SLC18A1: variants seen among roughly 807,000 people sequenced by gnomAD.
SLC18A1 encodes chromaffin granule amine transporter.
Under a neutral mutation model 53.7 loss-of-function variants are expected in SLC18A1, and 69 were observed. The ratio of observed to expected loss-of-function variants is 1.28; its 90% CI spans 1.06 to 1.57. SLC18A1 has a LOEUF of 1.57. Ranked by LOEUF, SLC18A1 falls within the 40% of genes most tolerant of loss-of-function variation. The pLI is 0.00. For missense variants in SLC18A1, 932 were observed against 668.1 expected (o/e 1.40, Z -4.35); for synonymous variants, 320 against 248.1 (o/e 1.29, Z -2.72).
chr8:20,171,617 C>A, intron 6 of SLC18A1, 123 bp from the exon 7 acceptor site: 1 of 721,792 alleles, frequency 1.4e-6, no homozygotes, highest in South Asian at 1.6e-5. Flanking sequence ...CCACCTGAGG[C>A]TCTGGGAATT....
At position 20,180,898 on chromosome 8, in the gene SLC18A1, C is replaced by T. The variant is rs138976852; in HGVS notation, c.67G>A (p.Val23Met). The change falls in exon 2 of 16, where the codon GTG becomes ATG. Residue 23 changes from valine to methionine, a missense_variant. By Grantham distance (21) the Val-to-Met change is conservative. Coordinates refer to ENST00000276373, the MANE Select transcript of SLC18A1 (RefSeq NM_003053.4). ...LKEGRASRQL[V>M]LVVVFVALLL... ...AAAGCGACGAATACCACCACCAGCA[C>T]CAGCTGCCGGGACGCTCTCCCCTCC... 1.2e-6 allele frequency: 2 copies of T among 1,613,408 alleles called. No individual in the cohort carries two copies. Among genetic ancestry groups the T allele is most frequent in the Non-Finnish European group, 1.7e-6 (2 of 1,179,720 alleles).
chr8:20,154,727 C>A (rs2071639932), intron 10 of SLC18A1, among the ~76,000 whole-genome samples: 1 of 152,216 alleles, frequency 6.6e-6, no homozygotes, highest in Non-Finnish European at 1.5e-5. Flanking sequence ...ATCAAGAAAT[C>A]TCTGAGGGCA....
intron 8 of SLC18A1, among the ~76,000 whole-genome samples, chr8:20,170,240 A>G (rs993443155): frequency 1.3e-5 from 2 of 152,162 alleles, no homozygotes; most frequent in African/African-American, 4.8e-5. Context: ...CTCTAAAAGT[A>G]TTGATTATGT....
intron 12 of SLC18A1, chr8:20,148,451 A>G (rs2071462044): frequency 3.9e-6 from 5 of 1,291,354 alleles, no homozygotes; most frequent in Non-Finnish European, 5.1e-6. Context: ...TTCATGGAAT[A>G]AAGTTGCCTC....
At chr8:20,151,513 A>C (rs1193836998) in intron 10 of SLC18A1, among the ~76,000 whole-genome samples, 1 of 152,156 alleles carries the variant, frequency 6.6e-6, no homozygotes, top group African/African-American at 2.4e-5. Flanking sequence ...TCTTGGATTA[A>C]TTACTAAACC....
chr8:20,175,313 G>C (rs748108965), intron 4 of SLC18A1: 1 of 152,116 alleles, frequency 6.6e-6, no homozygotes. Flanking sequence ...TGCAGTTAAC[G>C]CAATCCTCAC....
chr8:20,178,121 A>AACACACACACACACACACAC (rs10560327), intron 4 of SLC18A1, among the ~76,000 whole-genome samples: 5 of 148,836 alleles, frequency 3.4e-5, no homozygotes, highest in South Asian at 2.2e-4. Context: ...TGATGCATAT[A>AACACACACACACACACACAC]ACACACACAC....
At chr8:20,146,151 G>A (rs17840569) in intron 15 of SLC18A1, among the ~76,000 whole-genome samples, 8,238 of 152,066 alleles carry the variant, frequency 0.054, 356 homozygotes, top group Non-Finnish European at 0.079. Context: ...TCCTGACCTC[G>A]TGATGCGCCC....
At chr8:20,174,255 G>A (rs562931978) in intron 5 of SLC18A1, 106 bp downstream of exon 5, 2 of 863,160 alleles carry the variant, frequency 2.3e-6, no homozygotes, top group East Asian at 2.5e-5. Flanking sequence ...CTATCCAGGT[G>A]ACATTTTCCT....
chr8:20,170,472 C>CT (rs1421510505), intron 8 of SLC18A1, among the ~76,000 whole-genome samples: 1 of 152,122 alleles, frequency 6.6e-6, no homozygotes, highest in Non-Finnish European at 1.5e-5. Context: ...AAGTCAAGGC[C>CT]TTTAGATCAA....
At chr8:20,155,907 C>G (rs2071670987) in intron 10 of SLC18A1, among the ~76,000 whole-genome samples, 1 of 152,208 alleles carries the variant, frequency 6.6e-6, no homozygotes, top group African/African-American at 2.4e-5. Flanking sequence ...TCCCCACCAC[C>G]CTTGCAAGGG....
rs1179809755 is a variant in SLC18A1 at position 20,166,314 on chromosome 8, TATATATATATATATATAC to T, written c.859-1225_859-1208del. 9.1e-3 allele frequency among the ~76,000 whole-genome samples: 877 copies of T among 96,828 alleles called. 31 individuals are homozygous for T. The highest frequency in any genetic ancestry group is 0.035 in the African/African-American group (823 of 23,518). 63.5% of individuals were successfully genotyped at this position (96,828 alleles called of 152,430 possible). ...CTATATATATATATATATATATATA[TATATATATATATATATAC>T]ACCACCAGGTGGAAAATAATAAGGA... On this transcript the variant is annotated intron_variant, in intron 8 of 15. Coordinates refer to ENST00000276373, the MANE Select transcript of SLC18A1 (RefSeq NM_003053.4).
intron 1 of SLC18A1, 67 bp downstream of exon 1, chr8:20,182,996 A>G (rs1414644324): frequency 6.6e-6 from 1 of 152,230 alleles, no homozygotes; most frequent in East Asian, 1.9e-4. Flanking sequence ...TTAACAGTCA[A>G]AATCCTCTGA....
At position 20,164,891 on chromosome 8, in the gene SLC18A1, C is replaced by G; in HGVS notation, c.993G>C (p.Met331Ile). 6.2e-7 allele frequency: 1 copy of G among 1,611,542 alleles called. No homozygotes were observed. Among genetic ancestry groups the G allele is most frequent in the Non-Finnish European group, 8.5e-7 (1 of 1,177,906 alleles). Residue 331 changes from methionine to isoleucine, a missense_variant, in exon 10 of 16, where the codon ATG (methionine) becomes ATC (isoleucine). Coordinates refer to ENST00000276373, the MANE Select transcript of SLC18A1 (RefSeq NM_003053.4). ...PTLPIWMMQT[M>I]CSPKWQLGLA... ...TACCCAGCTGCCACTTGGGGGAGCA[C>G]ATGGTCTGCATCATCCAGATGGGCA...
Position 20,179,487 on chromosome 8 carries a change from G to T in SLC18A1, c.125-3C>A, listed in dbSNP as rs773328148. On this transcript the variant is annotated splice_region_variant and splice_polypyrimidine_tract_variant and intron_variant, in intron 2 of 15. Coordinates refer to ENST00000276373, the MANE Select transcript of SLC18A1 (RefSeq NM_003053.4). ...TAGGAAGGTGGGCACAATTGGCACTGAAAGTCAAAGAGGACAGGTGATGGG... is the reference window on the plus strand; with the variant it reads ...TAGGAAGGTGGGCACAATTGGCACTTAAAGTCAAAGAGGACAGGTGATGGG... 5.6e-6 allele frequency: 9 copies of T among 1,605,074 alleles called. No individual in the cohort carries two copies. The East Asian group carries it at 1.8e-4, about 32-fold the overall frequency.
chr8:20,177,746 C>T (rs776045126), intron 4 of SLC18A1, among the ~76,000 whole-genome samples: 3 of 152,166 alleles, frequency 2.0e-5, no homozygotes, highest in Non-Finnish European at 1.5e-5. Context: ...CCACAGGCTG[C>T]CTTCCCCTGC....
intron 5 of SLC18A1, among the ~76,000 whole-genome samples, 195 bp from the exon 6 acceptor site, chr8:20,173,323 C>T (rs2072173951): frequency 6.6e-6 from 1 of 152,214 alleles, no homozygotes; most frequent in African/African-American, 2.4e-5. Flanking sequence ...ACATTGTCCA[C>T]TCCTGTTCAG....
At chr8:20,178,630 G>A in intron 3 of SLC18A1, 137 bp from the exon 4 acceptor site, 1 of 668,164 alleles carries the variant, frequency 1.5e-6, no homozygotes, top group Non-Finnish European at 2.6e-6. Context: ...ATGTAGTGTG[G>A]AGATGAAATA....
chr8:20,166,369 A>G (rs1293787393), intron 8 of SLC18A1, among the ~76,000 whole-genome samples: 1 of 142,964 alleles, frequency 7.0e-6, no homozygotes, highest in African/African-American at 2.6e-5. Context: ...AGATTCTGTG[A>G]ACTAGTAGAG....
Sources: gnomAD v4.1 joint callset for allele counts (sites outside exome capture counted in the v4.1 genomes callset) on GRCh38, gnomAD v4.1.1 for gene constraint, MANE v1.5 for transcripts, NCBI Gene and HGNC (gene_info 2026-07-23, HGNC 2026-07-21) for gene names.